The following COL28A1 variants were observed in gnomAD, a reference collection of about 807,000 sequenced individuals.
COL28A1 encodes the protein collagen type XXVIII alpha 1 chain.
In COL28A1, 161 loss-of-function variants were observed where a neutral mutation model predicts 150.2. The ratio of observed to expected loss-of-function variants is 1.07; its 90% CI spans 0.94 to 1.22. COL28A1 has a LOEUF of 1.22. COL28A1 is among the 50% of genes most tolerant of loss of function. The pLI is 0.00. For synonymous variants in COL28A1, 552 were observed against 469.7 expected (o/e 1.18, Z -2.26); for missense variants, 1,617 against 1,388.3 (o/e 1.16, Z -2.62).
intron 15 of COL28A1, among the ~76,000 whole-genome samples, chr7:7,463,107 T>C (rs1413599277): frequency 6.6e-6 from 1 of 151,970 alleles, no homozygotes; most frequent in Non-Finnish European, 1.5e-5. Context: ...GAAAAATATA[T>C]TTGGAGGAAT....
chr7:7,437,766 T>A (rs969186901), intron 21 of COL28A1, among the ~76,000 whole-genome samples: 1 of 152,226 alleles, frequency 6.6e-6, no homozygotes, highest in Admixed American at 6.5e-5. Context: ...TTCCTTTTTG[T>A]GTTGTATGTT....
chr7:7,522,228 G>A, intron 4 of COL28A1: 1 of 473,422 alleles, frequency 2.1e-6, no homozygotes, highest in Non-Finnish European at 3.9e-6. Flanking sequence ...TTAAATTTCA[G>A]CATAGTTAAA....
At chr7:7,372,398 A>AAAATAAATAAATAAAT (rs3067784) in intron 32 of COL28A1, among the ~76,000 whole-genome samples, 436 of 133,698 alleles carry the variant, frequency 3.3e-3, no homozygotes, top group Non-Finnish European at 5.4e-3. Flanking sequence ...ACTCCGTCTC[A>AAAATAAATAAATAAAT]AAATAAATAA....
chr7:7,519,034 A>G (rs1781566332), intron 6 of COL28A1, among the ~76,000 whole-genome samples: 1 of 152,148 alleles, frequency 6.6e-6, no homozygotes, highest in African/African-American at 2.4e-5. Context: ...TATTTCTTTA[A>G]TATTCCTTCC....
intron 27 of COL28A1, among the ~76,000 whole-genome samples, chr7:7,406,992 A>G (rs1783526314): frequency 6.6e-6 from 1 of 152,162 alleles, no homozygotes. Context: ...TGGGTTTTAA[A>G]AAATCAAATA....
intron 5 of COL28A1, among the ~76,000 whole-genome samples, chr7:7,521,508 C>G (rs1018395193): frequency 4.6e-5 from 7 of 152,288 alleles, no homozygotes; most frequent in Admixed American, 4.6e-4. Flanking sequence ...CGTGTGAAGC[C>G]AACATTTAAC....
rs914041416 is a variant in COL28A1 at position 7,531,740 on chromosome 7, G to A, written c.289C>T (p.Gln97Ter). The A allele has an allele frequency of 2.5e-6, 4 of 1,609,756 alleles. No individual in the cohort carries two copies. Among genetic ancestry groups the A allele is most frequent in the Non-Finnish European group, 3.4e-6 (4 of 1,176,130 alleles). Residue 97 changes from glutamine to a stop codon, truncating the protein, a stop_gained, in exon 3 of 35, where the codon CAG becomes TAG. Transcript: ENST00000399429. LOFTEE classifies it high-confidence loss of function. ...LEYDIKLAAL[Q>*]FSSSVQIDPP... ...TCAATTTGGACAGAGCTGCTAAACTGAAGGGCTGCCAGTTTGATGTCATAT... is the reference window on the plus strand; with the variant it reads ...TCAATTTGGACAGAGCTGCTAAACTAAAGGGCTGCCAGTTTGATGTCATAT...
At chr7:7,344,933 G>C in the COL28A1 span, among the ~76,000 whole-genome samples, 1 of 151,932 alleles carries the variant, frequency 6.6e-6, no homozygotes, top group African/African-American at 2.4e-5. Context: ...AGTTATTACA[G>C]CGCAAGATCA....
chr7:7,346,850 G>GA, the COL28A1 span, among the ~76,000 whole-genome samples: 1 of 152,116 alleles, frequency 6.6e-6, no homozygotes, highest in East Asian at 1.9e-4. Flanking sequence ...TATATCACGA[G>GA]AAAAACTTTC....
intron 12 of COL28A1, among the ~76,000 whole-genome samples, chr7:7,489,844 A>C (rs529081778): frequency 2.0e-5 from 3 of 152,162 alleles, no homozygotes; most frequent in South Asian, 4.2e-4. Context: ...TATCCTATTC[A>C]TCTCTCCTTT....
intron 16 of COL28A1, 103 bp from the exon 17 acceptor site, chr7:7,453,611 C>T (rs973764247): frequency 2.9e-6 from 2 of 690,018 alleles, no homozygotes; most frequent in African/African-American, 1.9e-5. Context: ...TACTTACACT[C>T]AATAAGCATT....
At chr7:7,496,628 A>G (rs1780222651) in intron 11 of COL28A1, among the ~76,000 whole-genome samples, 1 of 152,216 alleles carries the variant, frequency 6.6e-6, no homozygotes, top group Non-Finnish European at 1.5e-5. Context: ...AACACTCCGT[A>G]TCCCTGGCAC....
chr7:7,517,168 G>A (rs1022689350), intron 7 of COL28A1, among the ~76,000 whole-genome samples: 5 of 151,924 alleles, frequency 3.3e-5, no homozygotes, highest in Non-Finnish European at 5.9e-5. Context: ...AAAATACCAA[G>A]AGAACAGTTT....
intron 18 of COL28A1, among the ~76,000 whole-genome samples, chr7:7,450,080 G>C (rs1342988203): frequency 6.6e-6 from 1 of 152,036 alleles, no homozygotes; most frequent in Non-Finnish European, 1.5e-5. Flanking sequence ...GATATAAATA[G>C]ACAAATGGAG....
intron 8 of COL28A1, among the ~76,000 whole-genome samples, chr7:7,513,438 C>T (rs762042614): frequency 3.0e-4 from 45 of 152,174 alleles, no homozygotes; most frequent in Non-Finnish European, 4.7e-4. Context: ...CTCTTGCAGG[C>T]ATCAGGAGCA....
chr7:7,434,162 T>A (rs1252575737), intron 23 of COL28A1, among the ~76,000 whole-genome samples: 1 of 152,216 alleles, frequency 6.6e-6, no homozygotes, highest in African/African-American at 2.4e-5. Context: ...TTAACCTTCT[T>A]AAGAATGATC....
intron 11 of COL28A1, among the ~76,000 whole-genome samples, chr7:7,496,649 C>G (rs1018984213): frequency 6.6e-6 from 1 of 152,112 alleles, no homozygotes; most frequent in African/African-American, 2.4e-5. Flanking sequence ...TGATTCTAAC[C>G]AAAAGCAAAT....
At chr7:7,356,238 TTTA>T (rs1780350169), downstream of COL28A1, 2 of 152,158 alleles carry the variant, frequency 1.3e-5, no homozygotes, top group African/African-American at 4.8e-5. Flanking sequence ...AGGCTAAATA[TTTA>T]TTGTTTGGCA....
rs76240858 is a variant in COL28A1 at position 7,370,760 on chromosome 7, A to C, written c.3031T>G (p.Ser1011Ala). The C allele has an allele frequency of 8.5e-4, 1,379 of 1,613,746 alleles. 9 individuals are homozygous for C. In the African/African-American group the frequency reaches 0.011, roughly 13 times the overall value. ...FGMSGEELSESTPEPQKEISE... is the reference protein window; with the variant it reads ...FGMSGEELSEATPEPQKEISE... ...ATTTCTTTTTGAGGCTCTGGAGTAGATTCACTGAGTTCTTCCCCTGACATC... is the reference window on the plus strand; with the variant it reads ...ATTTCTTTTTGAGGCTCTGGAGTAGCTTCACTGAGTTCTTCCCCTGACATC... The change falls in exon 33 of 35, where the codon TCT becomes GCT. Residue 1011 changes from serine (S) to alanine (A), a missense_variant. Transcript: ENST00000399429.
Sources: gnomAD v4.1 joint callset for allele counts (sites outside exome capture counted in the v4.1 genomes callset) on GRCh38, gnomAD v4.1.1 for gene constraint, MANE v1.5 for transcripts, NCBI Gene and HGNC (gene_info 2026-07-23, HGNC 2026-07-21) for gene names.